PLCE1: variants seen among roughly 807,000 people sequenced by gnomAD.
The protein encoded by PLCE1 is phospholipase C epsilon 1.
A neutral mutation model predicts 242.8 loss-of-function variants in PLCE1; 119 were observed. The observed-to-expected ratio is 0.49, with a 90% CI of 0.42 to 0.57. The LOEUF (loss-of-function observed/expected upper bound fraction) is 0.57, where lower values mean the gene tolerates loss of function less well. Ranked by LOEUF, PLCE1 falls within the 20% of genes least tolerant of loss-of-function variation. The pLI is 0.00. For missense variants in PLCE1, 2,441 were observed against 2,788.8 expected (o/e 0.88, Z 2.81); for synonymous variants, 945 against 1,017.4 (o/e 0.93, Z 1.35).
intron 3 of PLCE1, among the ~76,000 whole-genome samples, chr10:94,133,769 T>G (rs1396479571): frequency 6.6e-6 from 1 of 152,204 alleles, no homozygotes; most frequent in African/African-American, 2.4e-5. Flanking sequence ...GGCTTCATGT[T>G]TTTCAGCCAT....
intron 1 of PLCE1, among the ~76,000 whole-genome samples, chr10:94,001,233 C>T (rs1476368121): frequency 6.6e-6 from 1 of 152,146 alleles, no homozygotes; most frequent in East Asian, 1.9e-4. Flanking sequence ...CCAGTGTCAT[C>T]GGTGATGTTT....
In PLCE1 at chr10:94,254,698, G is replaced by C. The variant is rs147883803; in HGVS notation, c.3398-195G>C. On this transcript the variant is annotated intron_variant, in intron 10 of 32. Coordinates refer to ENST00000371380, the MANE Select transcript of PLCE1 (RefSeq NM_016341.4). ...TCTTATTTATTTTTGAAGCTTCCCA[G>C]ACAGTTCTAACATGTAGCCAGTTGA... Among the ~76,000 whole-genome samples, 120 of 152,250 alleles carry C rather than the reference G, an allele frequency of 7.9e-4. No homozygotes were observed. The highest frequency in any genetic ancestry group is 1.5e-3 in the African/African-American group (61 of 41,548).
At chr10:94,292,395 T>C (rs1033365483) in intron 22 of PLCE1, among the ~76,000 whole-genome samples, 1 of 152,200 alleles carries the variant, frequency 6.6e-6, no homozygotes, top group Non-Finnish European at 1.5e-5. Flanking sequence ...ATTCTCAGAC[T>C]GGGGATCCTC....
chr10:94,277,731 A>G (rs1410479053), intron 19 of PLCE1, among the ~76,000 whole-genome samples: 1 of 152,172 alleles, frequency 6.6e-6, no homozygotes, highest in Non-Finnish European at 1.5e-5. Context: ...CAGATTTCCC[A>G]AAGTTTTGAA....
chr10:94,085,301 TAAGCTAACCA>T (rs529120971), intron 2 of PLCE1, among the ~76,000 whole-genome samples: 1 of 152,146 alleles, frequency 6.6e-6, no homozygotes, highest in Admixed American at 6.5e-5. Context: ...GGCTAATTAG[TAAGCTAACCA>T]AAGTCAAACA....
At chr10:94,021,948 T>C (rs1589866908) in intron 1 of PLCE1, among the ~76,000 whole-genome samples, 1 of 152,044 alleles carries the variant, frequency 6.6e-6, no homozygotes, top group African/African-American at 2.4e-5. Flanking sequence ...ACAGCTAATA[T>C]ATTAAATAGT....
At position 94,030,936 on chromosome 10, in the gene PLCE1, G is replaced by A; in HGVS notation, c.-111G>A. 9.5e-7 allele frequency: 1 copy of A among 1,048,346 alleles called. No homozygotes were observed. The highest frequency in any genetic ancestry group is 1.3e-5 in the South Asian group (1 of 77,870). 64.9% of individuals were successfully genotyped at this position (1,048,346 alleles called of 1,614,324 possible). On this transcript the variant is annotated 5_prime_UTR_variant, in exon 2 of 33. Coordinates refer to ENST00000371380, the MANE Select transcript of PLCE1 (RefSeq NM_016341.4). ...GGAATTATCCCTTTGTTCTTTGGGA[G>A]GACTTGTGTATCTGAGATTGTTGTA...
chr10:94,259,748 T>C (rs1269394321), intron 13 of PLCE1, among the ~76,000 whole-genome samples: 1 of 152,140 alleles, frequency 6.6e-6, no homozygotes, highest in East Asian at 1.9e-4. Context: ...CCGACTATAT[T>C]AGTCCATTTT....
intron 1 of PLCE1, among the ~76,000 whole-genome samples, chr10:94,002,477 A>G (rs538882509): frequency 6.6e-6 from 1 of 152,328 alleles, no homozygotes; most frequent in Admixed American, 6.5e-5. Flanking sequence ...TCACTATCTA[A>G]GGAGTCAGAT....
Position 94,331,750 on chromosome 10 carries a change from C to T in PLCE1, c.*3807C>T, listed in dbSNP as rs1203796710. 1 of 152,152 alleles carries T rather than the reference C, an allele frequency of 6.6e-6. No homozygotes were observed. The highest frequency in any genetic ancestry group is 1.5e-5 in the Non-Finnish European group (1 of 68,040). 9.4% of individuals were successfully genotyped at this position (152,152 alleles called of 1,614,324 possible). A position where few individuals can be genotyped will look rare whatever the true frequency, so the allele number is the denominator to read the frequency against. ...TAATAATTTATGTGTTCTCTGCCAT[C>T]CTTATGTAGCAGCTTCCTAAAAGCA... On this transcript the variant is annotated 3_prime_UTR_variant, in exon 33 of 33. Coordinates refer to ENST00000371380, the MANE Select transcript of PLCE1 (RefSeq NM_016341.4).
At chr10:94,143,987 G>C (rs2047044622) in intron 3 of PLCE1, among the ~76,000 whole-genome samples, 1 of 152,166 alleles carries the variant, frequency 6.6e-6, no homozygotes, top group Non-Finnish European at 1.5e-5. Flanking sequence ...TTTATACTCA[G>C]AGACACATTT....
At chr10:94,250,189 A>G (rs1433066932) in intron 8 of PLCE1, among the ~76,000 whole-genome samples, 1 of 150,010 alleles carries the variant, frequency 6.7e-6, no homozygotes, top group African/African-American at 2.5e-5. Context: ...CACTTACAGT[A>G]GTCCATCTCC....
intron 10 of PLCE1, 42 bp from the exon 11 acceptor site, chr10:94,254,851 T>C: frequency 6.2e-7 from 1 of 1,607,296 alleles, no homozygotes; most frequent in Non-Finnish European, 8.5e-7. Context: ...AGGGAAAGTA[T>C]AATCTGAGTC....
chr10:94,022,180 A>C (rs990691385), intron 1 of PLCE1, among the ~76,000 whole-genome samples: 7 of 152,002 alleles, frequency 4.6e-5, no homozygotes, highest in Non-Finnish European at 8.8e-5. Context: ...AGGAGTAATA[A>C]TTGAATTTAA....
chr10:94,145,915 A>G (rs2047098105), intron 3 of PLCE1, among the ~76,000 whole-genome samples: 1 of 152,054 alleles, frequency 6.6e-6, no homozygotes, highest in South Asian at 2.1e-4. Context: ...AGATACAGGA[A>G]GCGTTCCAAG....
intron 2 of PLCE1, among the ~76,000 whole-genome samples, chr10:94,061,546 A>G (rs552455434): frequency 7.2e-5 from 11 of 152,182 alleles, no homozygotes; most frequent in Middle Eastern, 3.2e-3. Flanking sequence ...TTGTACTTAC[A>G]TGATCAAGAA....
In PLCE1 at chr10:94,331,294, T is replaced by C. The variant is rs1038926601; in HGVS notation, c.*3351T>C. 6.6e-6 allele frequency: 1 copy of C among 152,220 alleles called. No homozygotes were observed. The highest frequency in any genetic ancestry group is 1.5e-5 in the Non-Finnish European group (1 of 68,046). 9.4% of individuals were successfully genotyped at this position (152,220 alleles called of 1,614,324 possible). A position where few individuals can be genotyped will look rare whatever the true frequency, so the allele number is the denominator to read the frequency against. On this transcript the variant is annotated 3_prime_UTR_variant, in exon 33 of 33. Coordinates refer to ENST00000371380, the MANE Select transcript of PLCE1 (RefSeq NM_016341.4). ...CTCATTAATGAAAGTGGGCCCTCTA[T>C]GATATGTATCAATTTACCTTTTGCT...
chr10:94,320,328 A>G (rs2053751854), intron 29 of PLCE1, among the ~76,000 whole-genome samples: 1 of 152,072 alleles, frequency 6.6e-6, no homozygotes, highest in Non-Finnish European at 1.5e-5. Flanking sequence ...ACTCATTGAA[A>G]AAAGTTAAAA....
At chr10:94,041,410 T>C (rs1394774448) in intron 2 of PLCE1, among the ~76,000 whole-genome samples, 1 of 152,120 alleles carries the variant, frequency 6.6e-6, no homozygotes, top group African/African-American at 2.4e-5. Context: ...AAGGATCTTT[T>C]TCAGTCCTGC....
Sources: allele counts gnomAD v4.1 joint callset (sites outside exome capture counted in the v4.1 genomes callset), GRCh38; gene constraint gnomAD v4.1.1; transcripts MANE v1.5; gene names NCBI Gene and HGNC (gene_info 2026-07-23, HGNC 2026-07-21).